TGFBR3: variants seen among roughly 807,000 people sequenced by gnomAD.
The protein encoded by TGFBR3 is transforming growth factor beta receptor 3, also known as transforming growth factor beta receptor type 3.
Under a neutral mutation model 87.9 loss-of-function variants are expected in TGFBR3, and 46 were observed. The observed-to-expected ratio is 0.52, with a 90% CI of 0.41 to 0.67. The LOEUF is 0.67. TGFBR3 is among the 30% of genes least tolerant of loss of function. The pLI is 0.00. For missense variants in TGFBR3, 866 were observed against 1,041.9 expected (o/e 0.83, Z 2.32); for synonymous variants, 381 against 391.6 (o/e 0.97, Z 0.32).
At chr1:91,745,098 T>C (rs1032290983) in intron 4 of TGFBR3, among the ~76,000 whole-genome samples, 3 of 152,162 alleles carry the variant, frequency 2.0e-5, no homozygotes, top group Non-Finnish European at 4.4e-5. Flanking sequence ...GTGCCTGCTA[T>C]TCAGGTTACA....
chr1:91,770,707 C>T (rs1476018794), intron 3 of TGFBR3: 2 of 152,166 alleles, frequency 1.3e-5, no homozygotes, highest in African/African-American at 4.8e-5. Flanking sequence ...ATCCTTCAGA[C>T]CTCTGTTATG....
intron 6 of TGFBR3, chr1:91,728,052 A>G (rs184688946): frequency 8.9e-5 from 48 of 538,250 alleles, no homozygotes; most frequent in African/African-American, 7.4e-4. Context: ...TTTGATGGAA[A>G]AGAGGTGGTT....
At position 91,843,101 on chromosome 1, in the gene TGFBR3, C is replaced by G. The variant is rs144552415; in HGVS notation, c.61+18370G>C. On this transcript the variant is annotated intron_variant, in intron 2 of 16. Transcript: ENST00000212355. ...TCTAATTTTTGTACCAAAAATATGCCTGAATAATAGAACTGCAACTTAAAA... is the reference window on the plus strand; with the variant it reads ...TCTAATTTTTGTACCAAAAATATGCGTGAATAATAGAACTGCAACTTAAAA... 7.5e-3 allele frequency among the ~76,000 whole-genome samples: 1,138 copies of G among 152,238 alleles called. 16 individuals are homozygous for G. The highest frequency in any genetic ancestry group is 0.026 in the African/African-American group (1,075 of 41,536).
intron 3 of TGFBR3, 141 bp downstream of exon 3, chr1:91,797,146 C>A: frequency 1.0e-6 from 1 of 964,702 alleles, no homozygotes; most frequent in Non-Finnish European, 1.7e-6. Context: ...CAGACAGCAG[C>A]TGGTATTTTA....
At chr1:91,728,057 G>A (rs1436686381) in intron 6 of TGFBR3, 4 of 533,564 alleles carry the variant, frequency 7.5e-6, no homozygotes, top group African/African-American at 3.8e-5. Context: ...TGGAAAAGAG[G>A]TGGTTACTTA....
In TGFBR3 at chr1:91,716,442, T is replaced by C. The variant is rs376962824; in HGVS notation, c.1708-48A>G. ...AGATTAATGACAGTCATATGAAGGA[T>C]GAAGGCCCTGTAGCTTCATGAGCTT... On this transcript the variant is annotated intron_variant, in intron 11 of 16. Transcript: ENST00000212355. 76 of 1,614,090 alleles carry C rather than the reference T, an allele frequency of 4.7e-5. No homozygotes were observed. The East Asian group carries it at 1.4e-3, about 30-fold the overall frequency.
At chr1:91,851,970 C>T (rs1459388227) in intron 2 of TGFBR3, among the ~76,000 whole-genome samples, 1 of 152,156 alleles carries the variant, frequency 6.6e-6, no homozygotes, top group Non-Finnish European at 1.5e-5. Flanking sequence ...ATAAAAAGGG[C>T]CAGGTACAGT....
In TGFBR3 at chr1:91,861,647, G is replaced by A; in HGVS notation, c.-113-3C>T. 1.3e-6 allele frequency: 1 copy of A among 771,380 alleles called. No individual in the cohort carries two copies. The highest frequency in any genetic ancestry group is 2.3e-6 in the Non-Finnish European group (1 of 431,636). 47.8% of individuals were successfully genotyped at this position (771,380 alleles called of 1,614,324 possible). ...CCTCCTTGCAATTTTCAAACTGCCT[G>A]TAAAACAAATTTCAATAAGAAAACT... On this transcript the variant is annotated splice_region_variant and splice_polypyrimidine_tract_variant and intron_variant, in intron 1 of 16. Coordinates refer to ENST00000212355, the MANE Select transcript of TGFBR3 (RefSeq NM_003243.5).
chr1:91,775,264 T>C (rs949208962), intron 3 of TGFBR3, among the ~76,000 whole-genome samples: 4 of 152,186 alleles, frequency 2.6e-5, no homozygotes, highest in Admixed American at 2.6e-4. Context: ...TGTAAAGAAA[T>C]GCCAAGAAAC....
At chr1:91,857,391 C>A (rs1677997744) in intron 2 of TGFBR3, among the ~76,000 whole-genome samples, 1 of 152,040 alleles carries the variant, frequency 6.6e-6, no homozygotes. Context: ...CTAAATGCCA[C>A]ATTCCGTGCT....
intron 2 of TGFBR3, among the ~76,000 whole-genome samples, chr1:91,854,646 T>C (rs1289812207): frequency 1.3e-5 from 2 of 152,214 alleles, no homozygotes; most frequent in Admixed American, 6.5e-5. Context: ...GTTATGCATA[T>C]GTTAAAAAGC....
intron 4 of TGFBR3, among the ~76,000 whole-genome samples, chr1:91,754,650 A>T (rs1673675939): frequency 1.3e-5 from 2 of 152,188 alleles, no homozygotes; most frequent in South Asian, 4.1e-4. Flanking sequence ...GGTGAGAAGG[A>T]CTGAAATGAT....
At chr1:91,694,984 T>C (rs1009430440) in intron 16 of TGFBR3, among the ~76,000 whole-genome samples, 1 of 152,292 alleles carries the variant, frequency 6.6e-6, no homozygotes, top group South Asian at 2.1e-4. Context: ...GCATTCTGTA[T>C]TGGGGTCAGA....
At chr1:91,905,959 G>A (rs1679837874) in exon 1 of TGFBR3, 1 of 151,660 alleles carries the variant, frequency 6.6e-6, no homozygotes, top group African/African-American at 2.4e-5. Flanking sequence ...AAGGCCCAAG[G>A]AAAAAAAGCT....
intron 3 of TGFBR3, among the ~76,000 whole-genome samples, chr1:91,768,263 T>A (rs284185): frequency 0.55 from 82,461 of 151,258 alleles, 23,061 homozygotes; most frequent in Middle Eastern, 0.59. Flanking sequence ...ATTACTGACC[T>A]ATGTCCTGTT....
intron 1 of TGFBR3, among the ~76,000 whole-genome samples, chr1:91,905,424 CTTTTTGTTTTTG>C (rs902717464): frequency 3.9e-5 from 6 of 152,148 alleles, no homozygotes; most frequent in South Asian, 2.1e-4. Flanking sequence ...TGACCAGTTA[CTTTTTGTTTTTG>C]TTTTTGTTTT....
chr1:91,681,694 CACTT>C lies in TGFBR3; in HGVS notation c.*2041_*2044del, dbSNP rs1670914122. ...TGGAGTAACTTAAATTTATCTAAAA[CACTT>C]AAATATATCTTTATACACAAATTTT... is the stretch of plus-strand genomic sequence containing the variant. On this transcript the variant is annotated 3_prime_UTR_variant, in exon 17 of 17. Coordinates refer to ENST00000212355, the MANE Select transcript of TGFBR3 (RefSeq NM_003243.5). The C allele has an allele frequency of 6.8e-6, 3 of 438,532 alleles. No homozygotes were observed. The highest frequency in any genetic ancestry group is 3.4e-5 in the South Asian group (2 of 59,660). 27.2% of individuals were successfully genotyped at this position (438,532 alleles called of 1,614,324 possible).
chr1:91,719,227 T>G, intron 10 of TGFBR3, 85 bp downstream of exon 10: 1 of 1,595,146 alleles, frequency 6.3e-7, no homozygotes, highest in Non-Finnish European at 8.6e-7. Context: ...CCTCTTCATC[T>G]TCAAAGAAAT....
intron 12 of TGFBR3, 131 bp downstream of exon 12, chr1:91,716,105 T>A: frequency 9.0e-6 from 10 of 1,111,498 alleles, no homozygotes; most frequent in South Asian, 1.4e-5. Context: ...TCTGAGCCAA[T>A]CCCTCATCAG....
Sources: allele counts gnomAD v4.1 joint callset (sites outside exome capture counted in the v4.1 genomes callset), GRCh38; gene constraint gnomAD v4.1.1; transcripts MANE v1.5; gene names NCBI Gene and HGNC (gene_info 2026-07-23, HGNC 2026-07-21).